Variants in CNTNAP2 observed in about 807,000 individuals in gnomAD.
CNTNAP2 encodes contactin-associated protein-like 2.
A neutral mutation model predicts 155.2 loss-of-function variants in CNTNAP2; 98 were observed. That is an observed-to-expected ratio of 0.63 (90% CI 0.54 to 0.75). The LOEUF is 0.75. Ranked by LOEUF, CNTNAP2 falls within the 30% of genes least tolerant of loss-of-function variation. The pLI, the probability that CNTNAP2 is intolerant of heterozygous loss-of-function variation, is 0.00. For synonymous variants in CNTNAP2, 651 were observed against 631.2 expected (o/e 1.03, Z -0.47); for missense variants, 1,727 against 1,688.1 (o/e 1.02, Z -0.40).
intron 8 of CNTNAP2, among the ~76,000 whole-genome samples, chr7:147,285,785 C>T (rs1355846816): frequency 6.6e-6 from 1 of 151,912 alleles, no homozygotes; most frequent in African/African-American, 2.4e-5. Flanking sequence ...TAACACCAGC[C>T]TTGAAGACGG....
chr7:146,170,424 AC>A (rs1798373381), intron 1 of CNTNAP2, among the ~76,000 whole-genome samples: 1 of 152,084 alleles, frequency 6.6e-6, no homozygotes, highest in Non-Finnish European at 1.5e-5. Context: ...CCTTTTCTTC[AC>A]ATGCTTGCCA....
At chr7:146,127,715 G>T (rs561365627) in intron 1 of CNTNAP2, among the ~76,000 whole-genome samples, 1 of 152,196 alleles carries the variant, frequency 6.6e-6, no homozygotes, top group South Asian at 2.1e-4. Context: ...TTATCTGCAT[G>T]CAAATTAAAG....
At chr7:147,100,648 G>C (rs1800634374) in intron 4 of CNTNAP2, among the ~76,000 whole-genome samples, 1 of 152,190 alleles carries the variant, frequency 6.6e-6, no homozygotes, top group Non-Finnish European at 1.5e-5. Flanking sequence ...ATAGTTGTAA[G>C]AGTTGTGTAG....
chr7:146,157,507 G>A (rs1798144934), intron 1 of CNTNAP2, among the ~76,000 whole-genome samples: 1 of 152,146 alleles, frequency 6.6e-6, no homozygotes, highest in Admixed American at 6.6e-5. Flanking sequence ...ATGACAGATG[G>A]TACCTGGAAA....
At chr7:148,166,908 T>C (rs1035548117) in intron 17 of CNTNAP2, among the ~76,000 whole-genome samples, 2 of 151,938 alleles carry the variant, frequency 1.3e-5, no homozygotes, top group Admixed American at 6.5e-5. Flanking sequence ...CTGATTCTAG[T>C]GCATTAATGT....
At chr7:146,929,594 A>C (rs2129222403) in intron 3 of CNTNAP2, among the ~76,000 whole-genome samples, 1 of 152,332 alleles carries the variant, frequency 6.6e-6, no homozygotes, top group African/African-American at 2.4e-5. Flanking sequence ...ACGGAGAATG[A>C]CTTTGACGAG....
chr7:147,763,667 G>T (rs1003696395), intron 13 of CNTNAP2, among the ~76,000 whole-genome samples: 1 of 152,084 alleles, frequency 6.6e-6, no homozygotes, highest in Admixed American at 6.6e-5. Flanking sequence ...GGGTCAGAAA[G>T]GCATTGACTA....
At chr7:146,317,682 T>C (rs1800929619) in intron 1 of CNTNAP2, among the ~76,000 whole-genome samples, 2 of 152,240 alleles carry the variant, frequency 1.3e-5, no homozygotes, top group African/African-American at 4.8e-5. Flanking sequence ...TTCTTCTGTA[T>C]TGGATCAAAG....
intron 3 of CNTNAP2, among the ~76,000 whole-genome samples, chr7:146,934,859 G>C (rs192285775): frequency 1.3e-5 from 2 of 152,132 alleles, no homozygotes; most frequent in Non-Finnish European, 2.9e-5. Flanking sequence ...AGATCACCGT[G>C]CTGTGGACCG....
chr7:146,886,087 T>TA (rs1795652369), intron 3 of CNTNAP2, among the ~76,000 whole-genome samples: 1 of 151,992 alleles, frequency 6.6e-6, no homozygotes, highest in South Asian at 2.1e-4. Flanking sequence ...GCTGCTTTTA[T>TA]AAAAATTTGA....
chr7:147,387,131 G>A (rs920425229), intron 9 of CNTNAP2, among the ~76,000 whole-genome samples: 65 of 152,298 alleles, frequency 4.3e-4, no homozygotes, highest in African/African-American at 1.6e-3. Context: ...TTTGTCCCAT[G>A]ACACATGGAA....
At chr7:147,622,444 A>G (rs1052627476) in intron 12 of CNTNAP2, among the ~76,000 whole-genome samples, 6 of 152,070 alleles carry the variant, frequency 3.9e-5, no homozygotes, top group Admixed American at 6.6e-5. Flanking sequence ...ATATTCTTTG[A>G]CCACAATGGA....
At chr7:147,766,333 G>A (rs1450581323) in intron 13 of CNTNAP2, among the ~76,000 whole-genome samples, 2 of 152,042 alleles carry the variant, frequency 1.3e-5, no homozygotes, top group Admixed American at 1.3e-4. Flanking sequence ...TATGAATAAT[G>A]CTTTTAGCCT....
chr7:146,840,410 C>T (rs1016286460), intron 3 of CNTNAP2, among the ~76,000 whole-genome samples: 8 of 151,898 alleles, frequency 5.3e-5, no homozygotes, highest in African/African-American at 1.7e-4. Flanking sequence ...AAGCTTAACC[C>T]ATTTGTTCTT....
intron 1 of CNTNAP2, among the ~76,000 whole-genome samples, chr7:146,371,450 G>A (rs181813865): frequency 0.014 from 1,964 of 140,204 alleles, 17 homozygotes; most frequent in Middle Eastern, 0.048. Flanking sequence ...CTCACTGCAA[G>A]CTCCGCCTCC....
intron 1 of CNTNAP2, among the ~76,000 whole-genome samples, chr7:146,407,777 A>C (rs149388834): frequency 2.3e-4 from 35 of 152,066 alleles, no homozygotes; most frequent in Non-Finnish European, 4.3e-4. Flanking sequence ...ATCTTCTTCT[A>C]CGTCTGCCAC....
intron 18 of CNTNAP2, among the ~76,000 whole-genome samples, chr7:148,208,531 GAA>G (rs1562995080): frequency 6.6e-6 from 1 of 152,022 alleles, no homozygotes; most frequent in East Asian, 1.9e-4. Context: ...GCCTTACAGA[GAA>G]GCTGAAAGAG....
rs982869487 is a variant in CNTNAP2 at position 147,749,839 on chromosome 7, A to G, written c.2098+110533A>G. Among the ~76,000 whole-genome samples the G allele has an allele frequency of 3.9e-5, 6 of 152,246 alleles. No individual in the cohort carries two copies. In the East Asian group the frequency reaches 9.6e-4, roughly 24 times the overall value. On this transcript the variant is annotated intron_variant, in intron 13 of 23. Coordinates refer to ENST00000361727, the MANE Select transcript of CNTNAP2 (RefSeq NM_014141.6). ...AGAGAAATGACTCTTCTATAAAAGC[A>G]TAGTATTTCATCTGGCAATTGAAGA...
intron 9 of CNTNAP2, among the ~76,000 whole-genome samples, chr7:147,342,830 GA>G (rs1795787352): frequency 6.6e-6 from 1 of 151,860 alleles, no homozygotes; most frequent in African/African-American, 2.4e-5. Flanking sequence ...CTAAGAAAAG[GA>G]AAAACAAAAC....
Sources: allele counts gnomAD v4.1 joint callset (sites outside exome capture counted in the v4.1 genomes callset), GRCh38; gene constraint gnomAD v4.1.1; transcripts MANE v1.5; gene names NCBI Gene and HGNC (gene_info 2026-07-23, HGNC 2026-07-21).